The following SPINK1 variants were observed in gnomAD, a reference collection of about 807,000 sequenced individuals.
The protein encoded by SPINK1 is serine protease inhibitor Kazal-type 1.
In SPINK1, 5 loss-of-function variants were observed where a neutral mutation model predicts 9.5. The observed-to-expected ratio is 0.52, with a 90% confidence interval of 0.27 to 1.10. The LOEUF (loss-of-function observed/expected upper bound fraction) is 1.10, where lower values mean the gene tolerates loss of function less well. Among genes scored for constraint, SPINK1 ranks in the 50% least tolerant of loss-of-function variants. SPINK1 has a pLI of 0.11. For synonymous variants in SPINK1, 37 were observed against 32.3 expected (o/e 1.14, Z -0.49); for missense variants, 88 against 92.7 (o/e 0.95, Z 0.21).
At chr5:147,838,722 A>G in the SPINK1 span, among the ~76,000 whole-genome samples, 24 of 152,288 alleles carry the variant, frequency 1.6e-4, no homozygotes, top group African/African-American at 5.5e-4. Context: ...TTTGGTTTAG[A>G]GTCTCCTGGG....
chr5:147,827,295 T>G (rs1289193455), intron 3 of SPINK1: 1 of 152,438 alleles, frequency 6.6e-6, no homozygotes, highest in Non-Finnish European at 1.5e-5. Flanking sequence ...CCTCCCAAAG[T>G]GCTGGGATTA....
At chr5:147,837,166 G>A in the SPINK1 span, among the ~76,000 whole-genome samples, 1 of 152,086 alleles carries the variant, frequency 6.6e-6, no homozygotes, top group Admixed American at 6.6e-5. Context: ...AGTTATATGT[G>A]CAGTTCAGAA....
At chr5:147,829,715 C>T in intron 1 of SPINK1, 85 bp from the exon 2 acceptor site, 1 of 1,222,680 alleles carries the variant, frequency 8.2e-7, no homozygotes, top group Non-Finnish European at 1.2e-6. Context: ...GCTTTCATTG[C>T]AGACTGTGAC....
Position 147,828,051 on chromosome 5 carries a change from G to C in SPINK1, c.165C>G (p.Pro55=), listed in dbSNP as rs748820833. The change falls in exon 3 of 4, where the codon CCC becomes CCG. Residue 55 remains proline (P), a synonymous_variant. Coordinates refer to ENST00000296695, the MANE Select transcript of SPINK1 (RefSeq NM_001379610.1). ...PVCGTDGNTY[P]NECVLCFENR... is the part of the protein sequence containing the mutation. ...TTTCAAAACATAACACGCATTCATT[G>C]GGATAAGTATTTCCATCAGTCCCAC... The C allele has an allele frequency of 1.2e-6, 2 of 1,613,238 alleles. No individual in the cohort carries two copies. The highest frequency in any genetic ancestry group is 1.7e-6 in the Non-Finnish European group (2 of 1,179,712).
At chr5:147,836,261 C>T (rs1056948004), upstream of SPINK1, among the ~76,000 whole-genome samples, 11 of 150,700 alleles carry the variant, frequency 7.3e-5, no homozygotes, top group Admixed American at 2.6e-4. Flanking sequence ...TTTCTTGTTC[C>T]TGGTAACAGA....
rs1402861728 is a variant in SPINK1, at chr5:147,824,716, A to T, written c.195-10T>A. ...AGAAGTCTGGCGTTTCCTGCAGTAG[A>T]GATTAAAAAAAATATATCAGCTTAA... On this transcript the variant is annotated splice_polypyrimidine_tract_variant and intron_variant, in intron 3 of 3. Transcript: ENST00000296695. 1.2e-6 allele frequency: 2 copies of T among 1,613,650 alleles called. No individual in the cohort carries two copies. Among genetic ancestry groups the T allele is most frequent in the African/African-American group, 2.7e-5 (2 of 74,924 alleles).
At chr5:147,837,557 G>A in the SPINK1 span, among the ~76,000 whole-genome samples, 13 of 152,176 alleles carry the variant, frequency 8.5e-5, no homozygotes, top group South Asian at 4.1e-4. Flanking sequence ...GATCAACTAC[G>A]TGCCCTTTCT....
At chr5:147,826,394 G>A (rs1756404551) in intron 3 of SPINK1, among the ~76,000 whole-genome samples, 1 of 152,172 alleles carries the variant, frequency 6.6e-6, no homozygotes, top group Admixed American at 6.5e-5. Flanking sequence ...AGGAAGAGAG[G>A]TCATGTTTTC....
intron 1 of SPINK1, 83 bp downstream of exon 1, chr5:147,831,440 T>C (rs1362855038): frequency 1.3e-6 from 2 of 1,549,030 alleles, no homozygotes; most frequent in Non-Finnish European, 1.8e-6. Context: ...CTAGACTACA[T>C]CAAAAGTCTA....
At chr5:147,829,720 T>G in intron 1 of SPINK1, 90 bp from the exon 2 acceptor site, 1 of 1,175,140 alleles carries the variant, frequency 8.5e-7, no homozygotes, top group Non-Finnish European at 1.3e-6. Context: ...CATTGCAGAC[T>G]GTGACTTCTT....
Position 147,828,978 on chromosome 5 carries a change from G to A in SPINK1, c.87+621C>T, listed in dbSNP as rs960812922. On this transcript the variant is annotated intron_variant, in intron 2 of 3. Coordinates refer to ENST00000296695, the MANE Select transcript of SPINK1 (RefSeq NM_001379610.1). ...TTTCTAACTAGGCTAAGTTCCTAAC[G>A]GCAGCAGAACTTTTTCATAACACTT... Among the ~76,000 whole-genome samples the A allele has an allele frequency of 7.2e-5, 11 of 151,748 alleles. No homozygotes were observed. In the East Asian group the frequency reaches 9.7e-4, roughly 13 times the overall value.
intron 3 of SPINK1, 61 bp from the exon 4 acceptor site, chr5:147,824,767 G>T: frequency 6.7e-7 from 1 of 1,502,550 alleles, no homozygotes; most frequent in South Asian, 1.1e-5. Flanking sequence ...AAGTGACTAT[G>T]GGAGAAAAAC....
intron 3 of SPINK1, among the ~76,000 whole-genome samples, chr5:147,825,490 G>A (rs1329614178): frequency 1.3e-5 from 2 of 148,620 alleles, no homozygotes; most frequent in African/African-American, 5.0e-5. Flanking sequence ...TGCCCAGGCT[G>A]GAGTGCAGTG....
upstream of SPINK1, among the ~76,000 whole-genome samples, chr5:147,834,916 T>C (rs1047560947): frequency 2.0e-5 from 3 of 152,270 alleles, no homozygotes; most frequent in East Asian, 5.8e-4. Context: ...GTGAGGACTC[T>C]TGATAGATTT....
rs1044631379 is a variant in SPINK1, at chr5:147,829,491, A to C, written c.87+108T>G. 5.7e-6 allele frequency: 6 copies of C among 1,047,552 alleles called. No homozygotes were observed. In the African/African-American group the frequency reaches 7.9e-5, roughly 14 times the overall value. The allele number at this position is 1,047,552 out of a possible 1,614,324, so 64.9% of individuals were successfully genotyped here. On this transcript the variant is annotated intron_variant, in intron 2 of 3. Coordinates refer to ENST00000296695, the MANE Select transcript of SPINK1 (RefSeq NM_001379610.1). ...CTCACGTTAACCCTCCCTAGCATTC[A>C]TACTCCTCTTAACTTCAGGCTAAAC... is the stretch of plus-strand genomic sequence containing the variant.
chr5:147,834,494 G>C (rs1183446564), upstream of SPINK1, among the ~76,000 whole-genome samples: 3 of 151,964 alleles, frequency 2.0e-5, no homozygotes, highest in African/African-American at 7.3e-5. Flanking sequence ...GATGTTGGTT[G>C]GATCATATTT....
intron 2 of SPINK1, among the ~76,000 whole-genome samples, chr5:147,828,527 C>T (rs1756452739): frequency 1.3e-5 from 2 of 152,292 alleles, no homozygotes; most frequent in Non-Finnish European, 1.5e-5. Flanking sequence ...CTTCCTTGTA[C>T]ACTGTAGTCC....
chr5:147,838,839 C>A, the SPINK1 span, among the ~76,000 whole-genome samples: 1 of 152,030 alleles, frequency 6.6e-6, no homozygotes, highest in Non-Finnish European at 1.5e-5. Flanking sequence ...TCACTCTAGG[C>A]CTACAGTATT....
chr5:147,833,966 T>G (rs114506028), upstream of SPINK1, among the ~76,000 whole-genome samples: 1 of 152,194 alleles, frequency 6.6e-6, no homozygotes. Flanking sequence ...AAACAGCTTT[T>G]CACCTTCTAA....
Sources: allele counts gnomAD v4.1 joint callset (sites outside exome capture counted in the v4.1 genomes callset), GRCh38; gene constraint gnomAD v4.1.1; transcripts MANE v1.5; gene names NCBI Gene and HGNC (gene_info 2026-07-23, HGNC 2026-07-21).